MSL2: variants seen among roughly 807,000 people sequenced by gnomAD.
MSL2 encodes E3 ubiquitin-protein ligase MSL2.
MSL2 carries 2 observed loss-of-function variants against 35.8 expected under a neutral mutation model. The ratio of observed to expected loss-of-function variants is 0.06; its 90% CI spans 0.02 to 0.18. The LOEUF (loss-of-function observed/expected upper bound fraction) is 0.18, where lower values mean the gene tolerates loss of function less well. Among genes scored for constraint, MSL2 ranks in the 10% least tolerant of loss-of-function variants. The pLI, the probability that MSL2 is intolerant of heterozygous loss-of-function variation, is 1.00. For missense variants in MSL2, 523 were observed against 706.7 expected (o/e 0.74, Z 2.95); for synonymous variants, 296 against 255.7 (o/e 1.16, Z -1.50).
chr3:136,194,412 G>C (rs1940776323), intron 1 of MSL2: 1 of 985,162 alleles, frequency 1.0e-6, no homozygotes. Flanking sequence ...AAAGCACTTC[G>C]AGTACCAACA....
At chr3:136,160,939 T>C (rs1939692520) in intron 1 of MSL2, among the ~76,000 whole-genome samples, 2 of 151,340 alleles carry the variant, frequency 1.3e-5, no homozygotes, top group South Asian at 2.1e-4. Flanking sequence ...TACAAAAAAT[T>C]AGCCAGGCAT....
At chr3:136,165,994 C>T (rs1939835602) in intron 1 of MSL2, among the ~76,000 whole-genome samples, 1 of 148,518 alleles carries the variant, frequency 6.7e-6, no homozygotes, top group African/African-American at 2.5e-5. Flanking sequence ...TTTAATGTAC[C>T]CCACAAATAC....
intron 1 of MSL2, among the ~76,000 whole-genome samples, chr3:136,186,296 G>T (rs1376803071): frequency 6.6e-6 from 1 of 152,126 alleles, no homozygotes; most frequent in African/African-American, 2.4e-5. Flanking sequence ...CATCTCGCTT[G>T]AATACCAAAA....
At chr3:136,168,884 T>C (rs763449835) in intron 1 of MSL2, among the ~76,000 whole-genome samples, 16 of 152,120 alleles carry the variant, frequency 1.1e-4, no homozygotes, top group Non-Finnish European at 1.6e-4. Flanking sequence ...GCTTTCCAAA[T>C]GGCCCAGATA....
intron 1 of MSL2, among the ~76,000 whole-genome samples, chr3:136,183,628 G>A (rs1255034828): frequency 6.6e-6 from 1 of 152,062 alleles, no homozygotes; most frequent in Admixed American, 6.6e-5. Flanking sequence ...TTGCCATGTT[G>A]CCCAGGCTAG....
chr3:136,194,149 T>C (rs568787631), intron 1 of MSL2, among the ~76,000 whole-genome samples: 10 of 152,254 alleles, frequency 6.6e-5, no homozygotes, highest in Non-Finnish European at 1.2e-4. Context: ...CCCTTTCTTT[T>C]GTATTAACGT....
chr3:136,187,066 C>T (rs1346164545), intron 1 of MSL2, among the ~76,000 whole-genome samples: 2 of 152,088 alleles, frequency 1.3e-5, no homozygotes. Flanking sequence ...TTGGCTGAAT[C>T]CACAAATGCA....
chr3:136,178,829 C>T (rs554720795), intron 1 of MSL2, among the ~76,000 whole-genome samples: 11 of 152,010 alleles, frequency 7.2e-5, no homozygotes, highest in South Asian at 6.2e-4. Context: ...TGAGTCGCTG[C>T]GCCCCGCCAG....
At chr3:136,181,622 T>C (rs1940366121) in intron 1 of MSL2, among the ~76,000 whole-genome samples, 1 of 152,038 alleles carries the variant, frequency 6.6e-6, no homozygotes, top group Non-Finnish European at 1.5e-5. Context: ...GCTCAATGTT[T>C]TAAAATCAAA....
Position 136,195,736 on chromosome 3 carries a change from G to T in MSL2, c.-623C>A, listed in dbSNP as rs544729338. On this transcript the variant is annotated 5_prime_UTR_variant, in exon 1 of 2. Coordinates refer to ENST00000309993, the MANE Select transcript of MSL2 (RefSeq NM_018133.4). The stretch of plus-strand genomic sequence containing the variant: ...CCGCGCTCTCCATATCGGACGCGGG[G>T]CCCAGACTGCGCCCTGGCTCTCCGC... The T allele has an allele frequency of 9.1e-6, 9 of 985,208 alleles. No individual in the cohort carries two copies. The South Asian group carries it at 4.2e-4, about 46-fold the overall frequency. The allele number at this position is 985,208 out of a possible 1,614,324, so 61.0% of individuals were successfully genotyped here. A position where few individuals can be genotyped will look rare whatever the true frequency, so the allele number is the denominator to read the frequency against.
intron 1 of MSL2, among the ~76,000 whole-genome samples, chr3:136,154,087 TAAAAAAA>T (rs149944952): frequency 1.5e-5 from 2 of 135,568 alleles, no homozygotes; most frequent in East Asian, 2.1e-4. Flanking sequence ...CCGTCTCATT[TAAAAAAA>T]AAAAAAAAGG....
In MSL2 at chr3:136,186,949, TGTAA is replaced by T. The variant is rs537569745; in HGVS notation, c.142+8019_142+8022del. Reference sequence around the variant, plus strand: ...TAACACCTAAACAATATAAATACTATGTAAGTAGTTGTTATACTGTAATGCTTAG... The same window carrying T: ...TAACACCTAAACAATATAAATACTATGTAGTTGTTATACTGTAATGCTTAG... On this transcript the variant is annotated intron_variant, in intron 1 of 1. Transcript: ENST00000309993. Among the ~76,000 whole-genome samples the T allele has an allele frequency of 1.8e-3, 275 of 152,240 alleles. 1 individual carries two copies. Among genetic ancestry groups the T allele is most frequent in the Middle Eastern group, 6.8e-3 (2 of 294 alleles).
At chr3:136,184,983 A>AT (rs1029845600) in intron 1 of MSL2, among the ~76,000 whole-genome samples, 23 of 150,714 alleles carry the variant, frequency 1.5e-4, no homozygotes, top group South Asian at 1.5e-3. Flanking sequence ...CCACCAACTC[A>AT]TTTTTTTTTG....
At chr3:136,192,603 T>C (rs1450128767) in intron 1 of MSL2, among the ~76,000 whole-genome samples, 1 of 151,280 alleles carries the variant, frequency 6.6e-6, no homozygotes, top group African/African-American at 2.4e-5. Context: ...AAGAAAAAGA[T>C]ATAAAAAAGC....
chr3:136,188,239 T>A (rs1269953150), intron 1 of MSL2, among the ~76,000 whole-genome samples: 1 of 151,946 alleles, frequency 6.6e-6, no homozygotes, highest in East Asian at 1.9e-4. Flanking sequence ...ATCGAGACCA[T>A]CCTGGCCAAC....
chr3:136,173,956 T>C (rs28535121), intron 1 of MSL2, among the ~76,000 whole-genome samples: 28,143 of 152,204 alleles, frequency 0.18, 3,236 homozygotes, highest in Non-Finnish European at 0.27. Context: ...GTTCCTAGAA[T>C]GTCCTTCTTC....
intron 1 of MSL2, among the ~76,000 whole-genome samples, chr3:136,187,261 G>A (rs993077938): frequency 3.3e-5 from 5 of 152,222 alleles, no homozygotes; most frequent in Admixed American, 2.6e-4. Flanking sequence ...TATGATAACC[G>A]TAAGAATGAT....
Position 136,195,052 on chromosome 3 carries a change from T to C in MSL2, c.62A>G (p.Asp21Gly). 1 of 1,613,848 alleles carries C rather than the reference T, an allele frequency of 6.2e-7. No homozygotes were observed. ...AGTAAACGCCTTGGGGTCTCCGGGG[T>C]CGTAGTTGAGCACTAGGCGGCTCGC... ...ISASRLVLNY[D>G]PGDPKAFTEI... The change falls in exon 1 of 2, where the codon GAC (aspartate) becomes GGC (glycine). Residue 21 changes from aspartate to glycine, a missense_variant. By Grantham distance (94) the Asp-to-Gly change is moderately conservative (BLOSUM62 -1). Around this residue, in one of 5 missense-constraint regions of MSL2, gnomAD observed 45 missense variants for 47.5 expected, o/e 0.95. Transcript: ENST00000309993.
chr3:136,177,736 A>C (rs1431124361), intron 1 of MSL2, among the ~76,000 whole-genome samples: 2 of 151,588 alleles, frequency 1.3e-5, no homozygotes, highest in Non-Finnish European at 2.9e-5. Context: ...TGACCACTTG[A>C]CTGAGTAATT....
Sources: allele counts gnomAD v4.1 joint callset (sites outside exome capture counted in the v4.1 genomes callset), GRCh38; gene constraint gnomAD v4.1.1; regional missense constraint gnomAD v4.1.1; transcripts MANE v1.5; gene names NCBI Gene and HGNC (gene_info 2026-07-23, HGNC 2026-07-21).